The following LMTK2 variants were observed in gnomAD, a reference collection of about 807,000 sequenced individuals.
LMTK2 encodes lemur tail kinase 2.
A neutral mutation model predicts 127.5 loss-of-function variants in LMTK2; 37 were observed. The observed-to-expected ratio is 0.29, with a 90% CI of 0.22 to 0.38. The LOEUF (loss-of-function observed/expected upper bound fraction) is 0.38, where lower values mean the gene tolerates loss of function less well. Ranked by LOEUF, LMTK2 falls within the 10% of genes least tolerant of loss-of-function variation. The pLI is 1.00. For missense variants in LMTK2, 1,694 were observed against 1,920.3 expected (o/e 0.88, Z 2.20); for synonymous variants, 819 against 810.1 (o/e 1.01, Z -0.19).
intron 7 of LMTK2, among the ~76,000 whole-genome samples, chr7:98,175,538 A>G (rs1797263936): frequency 1.3e-5 from 2 of 152,240 alleles, no homozygotes; most frequent in African/African-American, 4.8e-5. Flanking sequence ...TGCATGTTTA[A>G]TCACTATTGC....
At chr7:98,132,001 T>C (rs1796526136) in intron 1 of LMTK2, among the ~76,000 whole-genome samples, 2 of 152,180 alleles carry the variant, frequency 1.3e-5, no homozygotes, top group African/African-American at 4.8e-5. Context: ...AAACAGAAAC[T>C]ATAAAAGATG....
Position 98,193,876 on chromosome 7 carries a change from C to T in LMTK2, c.3411C>T (p.Pro1137=), listed in dbSNP as rs776473808. ...TGTTGGTACAGGAGCAGCCCCTACC[C>T]GAGCCAGTCCTCCCCGAGCAAAGTC... is the stretch of plus-strand genomic sequence containing the variant. ...ALVLVQEQPL[P]EPVLPEQSPA... Residue 1137 remains proline (P), a synonymous_variant, in exon 11 of 14, where the codon CCC becomes CCT. Transcript: ENST00000297293. This position sits in a 1 kb window ranked among gnomAD's most constrained non-coding sequence, Gnocchi z 4.1. 105 of 1,613,942 alleles carry T rather than the reference C, an allele frequency of 6.5e-5. 1 individual carries two copies. The highest frequency in any genetic ancestry group is 3.5e-4 in the South Asian group (32 of 91,088).
rs1235038597 is a variant in LMTK2 at position 98,205,507 on chromosome 7, G to T, written c.*15G>T. 2 of 1,611,904 alleles carry T rather than the reference G, an allele frequency of 1.2e-6. No individual in the cohort carries two copies. The highest frequency in any genetic ancestry group is 1.7e-5 in the Admixed American group (1 of 60,020). On this transcript the variant is annotated 3_prime_UTR_variant, in exon 14 of 14. Coordinates refer to ENST00000297293, the MANE Select transcript of LMTK2 (RefSeq NM_014916.4). ...AAAAGGACTAGGTGGCTGCCAACGCGCACGCTCGGGTCCGAGGCTGCTCCC... is the reference window on the plus strand; with the variant it reads ...AAAAGGACTAGGTGGCTGCCAACGCTCACGCTCGGGTCCGAGGCTGCTCCC...
At chr7:98,119,379 C>G (rs1796330887) in intron 1 of LMTK2, among the ~76,000 whole-genome samples, 1 of 152,134 alleles carries the variant, frequency 6.6e-6, no homozygotes, top group African/African-American at 2.4e-5. Context: ...ATGCCAACAC[C>G]TGAAATCTGA....
At chr7:98,133,897 T>TA (rs1405943183) in intron 1 of LMTK2, among the ~76,000 whole-genome samples, 2 of 152,132 alleles carry the variant, frequency 1.3e-5, no homozygotes, top group African/African-American at 2.4e-5. Flanking sequence ...TTGTGATGCT[T>TA]AAAAAAACAA....
At position 98,193,898 on chromosome 7, in the gene LMTK2, A is replaced by T. The variant is rs778173463; in HGVS notation, c.3433A>T (p.Ser1145Cys). ...PLPEPVLPEQ[S>C]PAAQDSCLEA... ...ACCCGAGCCAGTCCTCCCCGAGCAA[A>T]GTCCTGCTGCCCAGGATAGCTGCCT... The change falls in exon 11 of 14, where the codon AGT becomes TGT. Residue 1145 changes from serine to cysteine, a missense_variant. By Grantham distance (112) the Ser-to-Cys change is moderately radical. Transcript: ENST00000297293. This position sits in a 1 kb window ranked among gnomAD's most constrained non-coding sequence, Gnocchi z 4.1. 3.1e-6 allele frequency: 5 copies of T among 1,614,052 alleles called. No homozygotes were observed. In the Admixed American group the frequency reaches 6.7e-5, roughly 22 times the overall value.
Position 98,133,484 on chromosome 7 carries a change from G to GT in LMTK2, c.104-3820dup, listed in dbSNP as rs928619495. ...TGTTTGATTTCCTCATTTTATGGAAGTTTTTTTTTTTCATTGCTAAATAGA... is the reference window on the plus strand; with the variant it reads ...TGTTTGATTTCCTCATTTTATGGAAGTTTTTTTTTTTTCATTGCTAAATAGA... On this transcript the variant is annotated intron_variant, in intron 1 of 13. Transcript: ENST00000297293. Among the ~76,000 whole-genome samples, 85 of 145,592 alleles carry GT rather than the reference G, an allele frequency of 5.8e-4. 1 individual carries two copies. The highest frequency in any genetic ancestry group is 8.2e-4 in the Admixed American group (12 of 14,590).
At chr7:98,166,407 A>T (rs1797101654) in intron 6 of LMTK2, among the ~76,000 whole-genome samples, 1 of 152,258 alleles carries the variant, frequency 6.6e-6, no homozygotes. Flanking sequence ...GTTTAAAAAG[A>T]AAAACACTTT....
intron 7 of LMTK2, among the ~76,000 whole-genome samples, chr7:98,181,146 T>TA (rs1466897751): frequency 6.6e-6 from 1 of 151,336 alleles, no homozygotes; most frequent in Non-Finnish European, 1.5e-5. Context: ...TAGCTTGTGT[T>TA]TCTTGATTCC....
rs527367333 is a variant in LMTK2, at chr7:98,132,043, A to G, written c.104-5272A>G. Among the ~76,000 whole-genome samples, 3 of 152,264 alleles carry G rather than the reference A, an allele frequency of 2.0e-5. No individual in the cohort carries two copies. In the South Asian group the frequency reaches 6.2e-4, roughly 32 times the overall value. ...GAACAACCCAGGGAACAAGAACTCC[A>G]CCCAGGCCTGCCGGGACCCTGTGGG... is the stretch of plus-strand genomic sequence containing the variant. On this transcript the variant is annotated intron_variant, in intron 1 of 13. Coordinates refer to ENST00000297293, the MANE Select transcript of LMTK2 (RefSeq NM_014916.4).
intron 6 of LMTK2, among the ~76,000 whole-genome samples, chr7:98,163,675 CT>C (rs1797047438): frequency 6.6e-6 from 1 of 152,182 alleles, no homozygotes; most frequent in Non-Finnish European, 1.5e-5. Flanking sequence ...GAGAGGGCAT[CT>C]ACTTGAAGGG....
At chr7:98,129,660 C>T (rs975189292) in intron 1 of LMTK2, among the ~76,000 whole-genome samples, 5 of 152,208 alleles carry the variant, frequency 3.3e-5, no homozygotes, top group African/African-American at 9.6e-5. Flanking sequence ...GCCACTGTGC[C>T]TAGCTCGTAA....
chr7:98,178,562 C>T (rs900209635), intron 7 of LMTK2, among the ~76,000 whole-genome samples: 1 of 152,220 alleles, frequency 6.6e-6, no homozygotes, highest in Non-Finnish European at 1.5e-5. Flanking sequence ...GTAGCCTCAT[C>T]CCTGGACCTG....
chr7:98,119,801 C>T (rs935720677), intron 1 of LMTK2, among the ~76,000 whole-genome samples: 3 of 152,180 alleles, frequency 2.0e-5, no homozygotes, highest in Non-Finnish European at 4.4e-5. Context: ...AACGTGAGAA[C>T]CCCTGATTCG....
rs765282102 is a variant in LMTK2 at position 98,206,860 on chromosome 7, G to C, written c.*1368G>C. ...GGATGGACAAGGGACGACGGCCGAC[G>C]GCAGAGCATCAGCAGCCGACACATA... On this transcript the variant is annotated 3_prime_UTR_variant, in exon 14 of 14. Transcript: ENST00000297293. 3.0e-4 allele frequency: 45 copies of C among 152,392 alleles called. No homozygotes were observed. Among genetic ancestry groups the C allele is most frequent in the Non-Finnish European group, 6.0e-4 (41 of 68,122 alleles). The allele number at this position is 152,392 out of a possible 1,614,324, so 9.4% of individuals were successfully genotyped here. A position where few individuals can be genotyped will look rare whatever the true frequency, so the allele number is the denominator to read the frequency against.
chr7:98,117,744 A>G (rs1181649790), intron 1 of LMTK2, among the ~76,000 whole-genome samples: 2 of 152,090 alleles, frequency 1.3e-5, no homozygotes, highest in Non-Finnish European at 2.9e-5. Context: ...AGGTGGGCGG[A>G]TCACTTGAGG....
chr7:98,169,954 A>G (rs1280374675), intron 6 of LMTK2, among the ~76,000 whole-genome samples: 3 of 152,260 alleles, frequency 2.0e-5, no homozygotes, highest in African/African-American at 7.2e-5. Flanking sequence ...CTCCCCTGGC[A>G]GAGCAGTCAC....
Position 98,205,616 on chromosome 7 carries a change from G to C in LMTK2, c.*124G>C, listed in dbSNP as rs1354333522. On this transcript the variant is annotated 3_prime_UTR_variant, in exon 14 of 14. Coordinates refer to ENST00000297293, the MANE Select transcript of LMTK2 (RefSeq NM_014916.4). ...ACATGAGATTGGGAGGAAGAATCCAGAGGTGAAGAGGGAGACGGCTCTTAG... is the reference window on the plus strand; with the variant it reads ...ACATGAGATTGGGAGGAAGAATCCACAGGTGAAGAGGGAGACGGCTCTTAG... 6 of 1,050,590 alleles carry C rather than the reference G, an allele frequency of 5.7e-6. No individual in the cohort carries two copies. Among genetic ancestry groups the C allele is most frequent in the Non-Finnish European group, 8.5e-6 (6 of 706,170 alleles). The allele number at this position is 1,050,590 out of a possible 1,614,324, so 65.1% of individuals were successfully genotyped here.
At chr7:98,204,703 C>T (rs1029827971) in intron 13 of LMTK2, among the ~76,000 whole-genome samples, 4 of 152,242 alleles carry the variant, frequency 2.6e-5, no homozygotes, top group African/African-American at 4.8e-5. Flanking sequence ...TGGTCACTCT[C>T]AGGCTCGTTA....
Sources: allele counts gnomAD v4.1 joint callset (sites outside exome capture counted in the v4.1 genomes callset), GRCh38; gene constraint gnomAD v4.1.1; non-coding constraint Gnocchi (gnomAD v3.1); transcripts MANE v1.5; gene names NCBI Gene and HGNC (gene_info 2026-07-23, HGNC 2026-07-21).